The following EVL variants were observed in gnomAD, a reference collection of about 807,000 sequenced individuals.
EVL encodes the protein Enah/Vasp-like.
EVL carries 21 observed loss-of-function variants against 59.6 expected under a neutral mutation model. The ratio of observed to expected loss-of-function variants is 0.35; its 90% CI spans 0.25 to 0.51. The LOEUF (loss-of-function observed/expected upper bound fraction) is 0.51. Ranked by LOEUF, EVL falls within the 20% of genes least tolerant of loss-of-function variation. The probability of loss-of-function intolerance (pLI) is 0.97; values close to 1 mark genes in which losing one functional copy is unlikely to be tolerated. For missense variants in EVL, 462 were observed against 546.6 expected, an observed-to-expected ratio of 0.85 and a Z score of 1.54; for synonymous variants, 198 against 203.5, an observed-to-expected ratio of 0.97 and a Z score of 0.23.
At chr14:100,141,843 C>G in intron 13 of EVL, 50 bp downstream of exon 13, 1 of 1,581,294 alleles carries the variant, frequency 6.3e-7, no homozygotes. Flanking sequence ...GGCCGCAGGA[C>G]AAGGGTCCCT....
chr14:100,013,806 A>G (rs1277627504), intron 1 of EVL, among the ~76,000 whole-genome samples: 2 of 152,216 alleles, frequency 1.3e-5, no homozygotes, highest in African/African-American at 4.8e-5. Flanking sequence ...CAATGGTCAG[A>G]TTGTGCGGGA....
intron 1 of EVL, among the ~76,000 whole-genome samples, chr14:100,013,447 G>A (rs2061029847): frequency 6.6e-6 from 1 of 152,204 alleles, no homozygotes; most frequent in African/African-American, 2.4e-5. Context: ...CCCATTTTAG[G>A]ATGAGGAAAC....
intron 4 of EVL, among the ~76,000 whole-genome samples, chr14:100,125,359 G>C (rs1212093603): frequency 6.6e-6 from 1 of 152,150 alleles, no homozygotes; most frequent in Non-Finnish European, 1.5e-5. Context: ...GACTTACTCA[G>C]TGACGCAGAG....
At chr14:100,047,668 C>T (rs1192951761) in intron 1 of EVL, among the ~76,000 whole-genome samples, 1 of 152,100 alleles carries the variant, frequency 6.6e-6, no homozygotes, top group Non-Finnish European at 1.5e-5. Context: ...ATTTGTGTAG[C>T]CTGGGTTACA....
At chr14:100,088,956 A>C (rs8019839) in intron 2 of EVL, among the ~76,000 whole-genome samples, 1 of 152,252 alleles carries the variant, frequency 6.6e-6, no homozygotes, top group Non-Finnish European at 1.5e-5. Flanking sequence ...AAAATTGGAA[A>C]AAGATAAACC....
At position 100,081,554 on chromosome 14, in the gene EVL, A is replaced by C. The variant is rs112622102; in HGVS notation, c.12-3133A>C. Reference sequence around the variant, plus strand: ...AAAGGAACCTGTAGCTATAATTACAAGAAGAAAAATGGTTATTGGTCTTCA... The same window carrying C: ...AAAGGAACCTGTAGCTATAATTACACGAAGAAAAATGGTTATTGGTCTTCA... On this transcript the variant is annotated intron_variant, in intron 1 of 13. Coordinates refer to ENST00000392920, the MANE Select transcript of EVL (RefSeq NM_016337.3). Among the ~76,000 whole-genome samples the C allele has an allele frequency of 2.1e-3, 317 of 151,592 alleles. 3 individuals carry two copies. The highest frequency in any genetic ancestry group is 0.014 in the Middle Eastern group (4 of 290).
At chr14:100,086,401 A>G (rs2062444069) in intron 2 of EVL, among the ~76,000 whole-genome samples, 1 of 152,190 alleles carries the variant, frequency 6.6e-6, no homozygotes, top group Non-Finnish European at 1.5e-5. Flanking sequence ...TGTGAGGGCA[A>G]TACCTCCATG....
Position 100,068,348 on chromosome 14 carries a change from G to A in EVL, c.11+2837G>A, listed in dbSNP as rs552258472. ...AGTGAAGGCAAATAAGGGCACAGAAGGCTTTATCAGGCCCAACGGCAAAGC... is the reference window on the plus strand; with the variant it reads ...AGTGAAGGCAAATAAGGGCACAGAAAGCTTTATCAGGCCCAACGGCAAAGC... On this transcript the variant is annotated intron_variant, in intron 1 of 13. Transcript: ENST00000392920. Among the ~76,000 whole-genome samples, 5 of 152,350 alleles carry A rather than the reference G, an allele frequency of 3.3e-5. No individual in the cohort carries two copies. The East Asian group carries it at 7.7e-4, about 23-fold the overall frequency.
At chr14:100,067,773 T>C (rs2061963880) in intron 1 of EVL, among the ~76,000 whole-genome samples, 1 of 152,070 alleles carries the variant, frequency 6.6e-6, no homozygotes, top group African/African-American at 2.4e-5. Context: ...CAGGGACTGG[T>C]AGGGAGTGAG....
intron 3 of EVL, among the ~76,000 whole-genome samples, chr14:100,120,103 C>T (rs895832903): frequency 6.6e-6 from 1 of 152,204 alleles, no homozygotes. Context: ...CTCTGGTCAG[C>T]AGAGGGTACC....
At chr14:100,047,112 C>CTTTTTTTTTTTTTTTT (rs1566983234) in intron 1 of EVL, among the ~76,000 whole-genome samples, 1 of 11,404 alleles carries the variant, frequency 8.8e-5, no homozygotes, top group Non-Finnish European at 1.9e-4. Context: ...GGGCAGATCT[C>CTTTTTTTTTTTTTTTT]TCTCTCTTTT....
upstream of EVL, among the ~76,000 whole-genome samples, chr14:100,062,440 G>A (rs1162449933): frequency 6.6e-6 from 1 of 150,822 alleles, no homozygotes. Flanking sequence ...AAAAAAAAAA[G>A]AGGTATAGCT....
Position 100,109,867 on chromosome 14 carries a change from G to A in EVL, c.358+12209G>A, listed in dbSNP as rs927194865. ...TGGAAGGAACTTCGGACGTGAACTC[G>A]GATCTGGTTCCAGTACCAGCTGTGC... On this transcript the variant is annotated intron_variant, in intron 3 of 13. Transcript: ENST00000392920. The surrounding 1 kb of genome is among the most constrained non-coding windows in gnomAD (Gnocchi z 4.3). 2.1e-5 allele frequency: 8 copies of A among 386,426 alleles called. No individual in the cohort carries two copies. Among genetic ancestry groups the A allele is most frequent in the South Asian group, 7.5e-5 (4 of 52,994 alleles). 23.9% of individuals were successfully genotyped at this position (386,426 alleles called of 1,614,324 possible). A position where few individuals can be genotyped will look rare whatever the true frequency, so the allele number is the denominator to read the frequency against.
intron 2 of EVL, among the ~76,000 whole-genome samples, chr14:100,091,540 G>C (rs922552555): frequency 6.6e-6 from 1 of 152,202 alleles, no homozygotes; most frequent in African/African-American, 2.4e-5. Flanking sequence ...GAGGTTCCTG[G>C]AGGGGGGGCA....
intron 1 of EVL, among the ~76,000 whole-genome samples, chr14:100,022,833 T>G (rs1566972031): frequency 6.6e-6 from 1 of 152,158 alleles, no homozygotes; most frequent in Non-Finnish European, 1.5e-5. Context: ...GGTGCCATGG[T>G]GCCACGTGGG....
intron 4 of EVL, among the ~76,000 whole-genome samples, chr14:100,125,587 GCT>G (rs1566719063): frequency 1.3e-5 from 2 of 149,908 alleles, no homozygotes; most frequent in East Asian, 4.0e-4. Context: ...ATGGAGTCTT[GCT>G]CTGTCACCCG....
intron 1 of EVL, among the ~76,000 whole-genome samples, chr14:100,003,699 G>T (rs1053122523): frequency 1.3e-5 from 2 of 152,092 alleles, no homozygotes; most frequent in African/African-American, 4.8e-5. Context: ...GAATACAGGC[G>T]TGAGCCCCCA....
At position 100,020,890 on chromosome 14, in the gene EVL, T is replaced by G. The variant is rs77068559; in HGVS notation, c.5+48833T>G. ...TGGCCTGGGTTTGCGACAAAGAAAT[T>G]CTTTTTATGTGGCAGTGTGCTCTGG... On this transcript the variant is annotated intron_variant, in intron 1 of 13. Transcript: ENST00000402714. Among the ~76,000 whole-genome samples the G allele has an allele frequency of 6.7e-3, 1,025 of 152,358 alleles. 8 individuals carry two copies. The highest frequency in any genetic ancestry group is 0.023 in the African/African-American group (976 of 41,584).
chr14:99,987,183 A>G (rs1413991639), intron 1 of EVL, among the ~76,000 whole-genome samples: 1 of 152,222 alleles, frequency 6.6e-6, no homozygotes, highest in Non-Finnish European at 1.5e-5. Flanking sequence ...TAGAATATAT[A>G]AAGAACTCTT....
Sources: gnomAD v4.1 joint callset for allele counts (sites outside exome capture counted in the v4.1 genomes callset) on GRCh38, gnomAD v4.1.1 for gene constraint, Gnocchi (gnomAD v3.1) non-coding constraint, MANE v1.5 for transcripts, NCBI Gene and HGNC (gene_info 2026-07-23, HGNC 2026-07-21) for gene names.